SLC22A25: variants seen among roughly 807,000 people sequenced by gnomAD.
SLC22A25 encodes the protein MGI:2442751, MGI:2385316, MGI:3042283, MGI:3645714, MGI:3605624, MGI:2442750.
Under a neutral mutation model 45.9 loss-of-function variants are expected in SLC22A25, and 44 were observed. The observed-to-expected ratio is 0.96, with a 90% CI of 0.75 to 1.23. The LOEUF is 1.23. SLC22A25 is among the 50% of genes most tolerant of loss of function. SLC22A25 has a pLI of 0.00. For missense variants in SLC22A25, 800 were observed against 666.4 expected (o/e 1.20, Z -2.21); for synonymous variants, 283 against 238.6 (o/e 1.19, Z -1.72).
rs536665466 is a variant in SLC22A25, at chr11:63,232,047, A to G, written c.-444-1951T>C. ...TTTGGTTACTGTAGCCTTGTAGTAT[A>G]GTTTGAAGTCAGGTAGCGTGATGCT... On this transcript the variant is annotated intron_variant, in intron 3 of 11. Transcript: ENST00000306494. Among the ~76,000 whole-genome samples, 6 of 152,260 alleles carry G rather than the reference A, an allele frequency of 3.9e-5. No individual in the cohort carries two copies. The East Asian group carries it at 1.2e-3, about 29-fold the overall frequency.
chr11:63,187,392 T>C (rs908709224), intron 7 of SLC22A25, among the ~76,000 whole-genome samples: 2 of 152,228 alleles, frequency 1.3e-5, no homozygotes, highest in African/African-American at 4.8e-5. Flanking sequence ...TGTGCACTTA[T>C]TTTATATCCT....
chr11:63,232,240 C>T (rs565558203), intron 3 of SLC22A25, among the ~76,000 whole-genome samples: 9 of 152,206 alleles, frequency 5.9e-5, no homozygotes, highest in South Asian at 2.1e-4. Flanking sequence ...GCCATTTTCA[C>T]GATATTGATT....
intron 7 of SLC22A25, among the ~76,000 whole-genome samples, chr11:63,185,522 T>TTTTTTC (rs1590814267): frequency 8.0e-6 from 1 of 124,308 alleles, no homozygotes; most frequent in Non-Finnish European, 1.7e-5. Flanking sequence ...CACATTTTCT[T>TTTTTTC]TTTTTATTTT....
intron 7 of SLC22A25, among the ~76,000 whole-genome samples, chr11:63,197,512 G>T (rs1051502238): frequency 2.0e-5 from 3 of 150,456 alleles, no homozygotes; most frequent in Non-Finnish European, 4.5e-5. Flanking sequence ...GAGGAAACTG[G>T]CTAGCCATAT....
chr11:63,172,126 C>T (rs1043013703), intron 9 of SLC22A25, among the ~76,000 whole-genome samples: 1 of 152,106 alleles, frequency 6.6e-6, no homozygotes, highest in Non-Finnish European at 1.5e-5. Flanking sequence ...CTTCCTTACA[C>T]CTTATACAAA....
chr11:63,222,511 T>C (rs2089874960), intron 5 of SLC22A25, among the ~76,000 whole-genome samples: 1 of 152,084 alleles, frequency 6.6e-6, no homozygotes, highest in African/African-American at 2.4e-5. Flanking sequence ...TCAATTTGAA[T>C]AGTTTTTTGG....
intron 7 of SLC22A25, among the ~76,000 whole-genome samples, chr11:63,196,822 G>C (rs1438731964): frequency 2.0e-5 from 3 of 152,108 alleles, no homozygotes; most frequent in African/African-American, 2.4e-5. Flanking sequence ...AATTGTCCCT[G>C]TTTGCAGATG....
intron 9 of SLC22A25, among the ~76,000 whole-genome samples, chr11:63,171,067 C>G (rs375505733): frequency 4.6e-4 from 70 of 152,192 alleles, no homozygotes; most frequent in African/African-American, 1.6e-3. Flanking sequence ...AATAGCCACA[C>G]GATTATCTCA....
At chr11:63,185,538 T>TTTATTTC (rs1487195579) in intron 7 of SLC22A25, among the ~76,000 whole-genome samples, 5 of 141,948 alleles carry the variant, frequency 3.5e-5, no homozygotes, top group African/African-American at 5.4e-5. Flanking sequence ...ATTTTTATTT[T>TTTATTTC]TTATTTATTT....
chr11:63,217,378 G>A lies in SLC22A25; in HGVS notation c.766C>T (p.Arg256Ter), dbSNP rs143611231. 4.8e-4 allele frequency: 778 copies of A among 1,613,984 alleles called. 6 individuals are homozygous for A. The Middle Eastern group carries it at 0.01, about 21-fold the overall frequency. Residue 256 changes from arginine (R) to a stop codon, truncating the protein, a stop_gained, in exon 7 of 12, where the codon CGA becomes TGA. Coordinates refer to ENST00000306494, the MANE Select transcript of SLC22A25 (RefSeq NM_199352.6). LOFTEE classifies it high-confidence loss of function. ...ITLGSLAFVI[R>*]DQCILQLVMS... ...ACCAACTGGAGGATGCACTGGTCTC[G>A]AATGACAAAAGCCAGGCTTCCCAGG...
chr11:63,191,157 A>C (rs1425518105), intron 7 of SLC22A25, among the ~76,000 whole-genome samples: 1 of 152,194 alleles, frequency 6.6e-6, no homozygotes, highest in Non-Finnish European at 1.5e-5. Flanking sequence ...GGAGTCTACA[A>C]AGGCAGGCAG....
chr11:63,211,415 T>C (rs1217150417), intron 7 of SLC22A25, among the ~76,000 whole-genome samples: 1 of 152,094 alleles, frequency 6.6e-6, no homozygotes, highest in Non-Finnish European at 1.5e-5. Flanking sequence ...TTACACAATG[T>C]TGGGACAGAT....
chr11:63,171,294 A>G (rs913976212), intron 9 of SLC22A25, among the ~76,000 whole-genome samples: 1 of 152,178 alleles, frequency 6.6e-6, no homozygotes, highest in African/African-American at 2.4e-5. Context: ...TCAACATAGT[A>G]TTGGAAGTTC....
intron 1 of SLC22A25, among the ~76,000 whole-genome samples, chr11:63,241,485 T>C (rs1003974459): frequency 2.0e-5 from 3 of 152,146 alleles, no homozygotes; most frequent in Non-Finnish European, 4.4e-5. Flanking sequence ...CCTCTTTCCT[T>C]CCTATTATCC....
intron 3 of SLC22A25, among the ~76,000 whole-genome samples, chr11:63,237,022 A>G (rs2090176289): frequency 6.6e-6 from 1 of 152,174 alleles, no homozygotes; most frequent in Non-Finnish European, 1.5e-5. Context: ...CTATGGTTTC[A>G]ATGTCTGTTC....
At chr11:63,179,165 C>T (rs2186719) in intron 9 of SLC22A25, among the ~76,000 whole-genome samples, 94,531 of 151,832 alleles carry the variant, frequency 0.62, 29,642 homozygotes, top group African/African-American at 0.67. Flanking sequence ...CATGTTTGGC[C>T]AGGCTGGTCT....
intron 5 of SLC22A25, among the ~76,000 whole-genome samples, chr11:63,221,078 A>G (rs1226696511): frequency 1.3e-5 from 2 of 152,200 alleles, no homozygotes; most frequent in African/African-American, 4.8e-5. Context: ...TAGTGCTGCA[A>G]TAAACATGGA....
At position 63,158,731 on chromosome 11, in the gene SLC22A25, G is replaced by A. The variant is rs4963251; in HGVS notation, c.*5093C>T. Reference sequence around the variant, plus strand: ...AGCATGGGGTATCTGTCCCTCAAGCGTTTATTCTTTGTGATTACAAACAAT... The same window carrying A: ...AGCATGGGGTATCTGTCCCTCAAGCATTTATTCTTTGTGATTACAAACAAT... On this transcript the variant is annotated 3_prime_UTR_variant, in exon 12 of 12. Coordinates refer to ENST00000306494, the MANE Select transcript of SLC22A25 (RefSeq NM_199352.6). Among the ~76,000 whole-genome samples, 36,407 of 152,064 alleles carry A rather than the reference G, an allele frequency of 0.24. 5,464 individuals are homozygous for A. Among genetic ancestry groups the A allele is most frequent in the Admixed American group, 0.34 (5,127 of 15,264 alleles).
chr11:63,191,593 G>A (rs1226527106), intron 7 of SLC22A25, among the ~76,000 whole-genome samples: 1 of 152,078 alleles, frequency 6.6e-6, no homozygotes, highest in Non-Finnish European at 1.5e-5. Flanking sequence ...GATGAACCTG[G>A]TACCTCAGTT....
Sources: allele counts gnomAD v4.1 joint callset (sites outside exome capture counted in the v4.1 genomes callset), GRCh38; gene constraint gnomAD v4.1.1; transcripts MANE v1.5; gene names NCBI Gene and HGNC (gene_info 2026-07-23, HGNC 2026-07-21).